The following GPC5 variants were observed in gnomAD, a reference collection of about 807,000 sequenced individuals.
The protein encoded by GPC5 is glypican-5.
Under a neutral mutation model 53.9 loss-of-function variants are expected in GPC5, and 47 were observed. That is an observed-to-expected ratio of 0.87 (90% CI 0.69 to 1.11). The LOEUF (loss-of-function observed/expected upper bound fraction) is 1.11, where lower values mean the gene tolerates loss of function less well. GPC5 is among the 50% of genes most tolerant of loss of function. GPC5 has a pLI of 0.00. For missense variants in GPC5, 748 were observed against 713.1 expected, an observed-to-expected ratio of 1.05 and a Z score of -0.56; for synonymous variants, 286 against 263.3, an observed-to-expected ratio of 1.09 and a Z score of -0.84.
chr13:91,683,166 C>T (rs1594424848), intron 2 of GPC5, among the ~76,000 whole-genome samples: 1 of 152,094 alleles, frequency 6.6e-6, no homozygotes, highest in South Asian at 2.1e-4. Flanking sequence ...GGAGATTTCA[C>T]ACATGAATAC....
intron 6 of GPC5, among the ~76,000 whole-genome samples, chr13:92,075,145 T>C (rs912562472): frequency 1.3e-5 from 2 of 152,172 alleles, no homozygotes; most frequent in African/African-American, 4.8e-5. Context: ...CTTAACACAT[T>C]CTGCTGAGGC....
At chr13:92,546,748 C>G (rs561558575) in intron 7 of GPC5, among the ~76,000 whole-genome samples, 1 of 152,136 alleles carries the variant, frequency 6.6e-6, no homozygotes, top group African/African-American at 2.4e-5. Flanking sequence ...GGAGGCATCA[C>G]GCTACCTGAC....
intron 7 of GPC5, among the ~76,000 whole-genome samples, chr13:92,682,428 C>T (rs766362718): frequency 8.5e-5 from 13 of 152,100 alleles, no homozygotes; most frequent in Non-Finnish European, 1.6e-4. Context: ...TTCACACTTG[C>T]TTATGTTTTG....
intron 7 of GPC5, among the ~76,000 whole-genome samples, chr13:92,794,992 T>C (rs1426956900): frequency 6.6e-6 from 1 of 152,100 alleles, no homozygotes; most frequent in Non-Finnish European, 1.5e-5. Flanking sequence ...GCCGTTCCCA[T>C]CAAGCTACCA....
At chr13:91,841,115 T>A (rs892165019) in intron 5 of GPC5, among the ~76,000 whole-genome samples, 2 of 151,948 alleles carry the variant, frequency 1.3e-5, no homozygotes, top group African/African-American at 4.8e-5. Context: ...GAGCAATTTA[T>A]ATATGAATTC....
intron 3 of GPC5, among the ~76,000 whole-genome samples, chr13:91,713,868 A>G (rs2036279797): frequency 6.6e-6 from 1 of 152,146 alleles, no homozygotes; most frequent in Non-Finnish European, 1.5e-5. Flanking sequence ...TTGCTCTTTT[A>G]TGTAGCCAAC....
chr13:91,998,508 C>T lies in GPC5; in HGVS notation c.1401+90451C>T, dbSNP rs550000262. 3.2e-3 allele frequency among the ~76,000 whole-genome samples: 484 copies of T among 152,254 alleles called. 5 individuals carry two copies. Among genetic ancestry groups the T allele is most frequent in the Non-Finnish European group, 5.0e-3 (342 of 68,014 alleles). ...CAATCCATAAACATGACCTAATCTCCTATTTATTGAGATCTTTAATTTCTT... is the reference window on the plus strand; with the variant it reads ...CAATCCATAAACATGACCTAATCTCTTATTTATTGAGATCTTTAATTTCTT... On this transcript the variant is annotated intron_variant, in intron 6 of 7. Coordinates refer to ENST00000377067, the MANE Select transcript of GPC5 (RefSeq NM_004466.6).
chr13:92,353,104 C>CA (rs1271053065), intron 7 of GPC5, among the ~76,000 whole-genome samples: 1 of 150,650 alleles, frequency 6.6e-6, no homozygotes, highest in African/African-American at 2.4e-5. Flanking sequence ...ACTAAAAATA[C>CA]AAAAAATTAG....
At chr13:92,865,760 A>G (rs1302538856) in intron 7 of GPC5, among the ~76,000 whole-genome samples, 2 of 152,152 alleles carry the variant, frequency 1.3e-5, no homozygotes, top group Non-Finnish European at 2.9e-5. Flanking sequence ...GTACCCCATC[A>G]ATATCTATAA....
intron 1 of GPC5, among the ~76,000 whole-genome samples, chr13:91,415,873 C>T (rs75402814): frequency 0.02 from 2,997 of 152,166 alleles, 101 homozygotes; most frequent in African/African-American, 0.067. Context: ...TTCCTGTGTG[C>T]TCCCACAAAA....
intron 7 of GPC5, among the ~76,000 whole-genome samples, chr13:92,297,875 C>T (rs1381261459): frequency 2.6e-5 from 4 of 152,044 alleles, no homozygotes; most frequent in Non-Finnish European, 4.4e-5. Flanking sequence ...TGAGCTGTAA[C>T]ACTCACCGCG....
chr13:92,400,098 C>T (rs1295510562), intron 7 of GPC5, among the ~76,000 whole-genome samples: 50 of 152,080 alleles, frequency 3.3e-4, no homozygotes, highest in Admixed American at 3.0e-3. Context: ...CTACAGAGTC[C>T]GTTTTAAAAA....
At chr13:92,198,359 A>G (rs1489684623) in intron 7 of GPC5, among the ~76,000 whole-genome samples, 1 of 152,136 alleles carries the variant, frequency 6.6e-6, no homozygotes, top group African/African-American at 2.4e-5. Flanking sequence ...TCTTCTGTTG[A>G]TAGGTTGGTT....
chr13:92,039,156 G>A (rs1056244174), intron 6 of GPC5, among the ~76,000 whole-genome samples: 8 of 152,360 alleles, frequency 5.3e-5, no homozygotes, highest in Admixed American at 5.2e-4. Context: ...ATTGGAGCCT[G>A]TGGCTCTGGT....
At chr13:92,850,252 C>T (rs1325837014) in intron 7 of GPC5, among the ~76,000 whole-genome samples, 1 of 152,164 alleles carries the variant, frequency 6.6e-6, no homozygotes, top group East Asian at 1.9e-4. Flanking sequence ...AACTCCCTCA[C>T]AGCATTGAGG....
Position 91,693,850 on chromosome 13 carries a change from C to A in GPC5, c.989C>A (p.Ala330Asp), listed in dbSNP as rs1282598896. The A allele has an allele frequency of 1.2e-6, 2 of 1,604,520 alleles. No homozygotes were observed. Among genetic ancestry groups the A allele is most frequent in the Admixed American group, 1.7e-5 (1 of 59,912 alleles). ...HLLVNDAVLQ[A>D]HLNGQKLLEQ... The stretch of plus-strand genomic sequence containing the variant: ...CTTGTTAATGATGCTGTGTTACAGG[C>A]TCACCTCAATGGACAAAAATTATTG... Residue 330 changes from alanine to aspartate, a missense_variant, in exon 3 of 8, where the codon GCT becomes GAT. By Grantham distance (126) the Ala-to-Asp change is moderately radical (BLOSUM62 -2). Coordinates refer to ENST00000377067, the MANE Select transcript of GPC5 (RefSeq NM_004466.6).
intron 2 of GPC5, among the ~76,000 whole-genome samples, chr13:91,691,500 GAA>G (rs1319475151): frequency 6.6e-6 from 1 of 152,044 alleles, no homozygotes; most frequent in African/African-American, 2.4e-5. Flanking sequence ...TTTTATTGAG[GAA>G]CTAGTTACTA....
At chr13:91,498,272 G>A (rs1884406696) in intron 2 of GPC5, among the ~76,000 whole-genome samples, 1 of 104,464 alleles carries the variant, frequency 9.6e-6, no homozygotes, top group Non-Finnish European at 1.9e-5. Context: ...TTAGTTCATA[G>A]TATTTATCAC....
chr13:92,215,816 T>C (rs1476929214), intron 7 of GPC5, among the ~76,000 whole-genome samples: 1 of 152,186 alleles, frequency 6.6e-6, no homozygotes, highest in Admixed American at 6.5e-5. Flanking sequence ...CTCATGTTTG[T>C]TAACGGTGTG....
Sources: allele counts gnomAD v4.1 joint callset (sites outside exome capture counted in the v4.1 genomes callset), GRCh38; gene constraint gnomAD v4.1.1; transcripts MANE v1.5; gene names NCBI Gene and HGNC (gene_info 2026-07-23, HGNC 2026-07-21).